ANTXR1: variants seen among roughly 807,000 people sequenced by gnomAD.
The protein encoded by ANTXR1 is ANTXR cell adhesion molecule 1.
Under a neutral mutation model 78.1 loss-of-function variants are expected in ANTXR1, and 19 were observed. The observed-to-expected ratio is 0.24, with a 90% CI of 0.17 to 0.36. The LOEUF is 0.36. Among genes scored for constraint, ANTXR1 ranks in the 10% least tolerant of loss-of-function variants. The pLI, the probability that ANTXR1 is intolerant of heterozygous loss-of-function variation, is 1.00. For synonymous variants in ANTXR1, 273 were observed against 260.5 expected (o/e 1.05, Z -0.46); for missense variants, 518 against 718.6 (o/e 0.72, Z 3.19).
chr2:69,063,206 G>A (rs1167572315), intron 3 of ANTXR1, among the ~76,000 whole-genome samples: 3 of 151,536 alleles, frequency 2.0e-5, no homozygotes, highest in Non-Finnish European at 4.4e-5. Context: ...CCTCAAGCAG[G>A]ACAAATGCAA....
intron 10 of ANTXR1, among the ~76,000 whole-genome samples, chr2:69,104,205 C>T (rs1671731297): frequency 6.6e-6 from 1 of 152,162 alleles, no homozygotes; most frequent in South Asian, 2.1e-4. Context: ...TCCCAAAGTG[C>T]TGGGATTACA....
chr2:69,079,280 A>T (rs1176052638), intron 8 of ANTXR1, among the ~76,000 whole-genome samples: 2 of 152,194 alleles, frequency 1.3e-5, no homozygotes, highest in African/African-American at 2.4e-5. Flanking sequence ...AACTACAATA[A>T]CCATGTAAAA....
intron 10 of ANTXR1, among the ~76,000 whole-genome samples, chr2:69,112,107 T>A (rs932060849): frequency 1.3e-5 from 2 of 152,156 alleles, no homozygotes; most frequent in African/African-American, 4.8e-5. Context: ...GAGCGTACAG[T>A]CTCATGTTCT....
chr2:69,190,908 A>G (rs1674530331), intron 16 of ANTXR1, among the ~76,000 whole-genome samples: 2 of 152,072 alleles, frequency 1.3e-5, no homozygotes, highest in South Asian at 4.1e-4. Flanking sequence ...CTCATTGCCC[A>G]TTTGTCACAG....
rs912448343 is a variant in ANTXR1, at chr2:69,031,921, G to A, written c.153-8123G>A. On this transcript the variant is annotated intron_variant, in intron 1 of 17. Transcript: ENST00000303714. Reference sequence around the variant, plus strand: ...CCAGGGTGGCTCCTGCCAGATGGATGTCTCCGACTGACCAGGGTCACTTTC... The same window carrying A: ...CCAGGGTGGCTCCTGCCAGATGGATATCTCCGACTGACCAGGGTCACTTTC... 3.9e-5 allele frequency among the ~76,000 whole-genome samples: 6 copies of A among 152,324 alleles called. 1 individual carries two copies. In the East Asian group the frequency reaches 7.7e-4, roughly 20 times the overall value.
chr2:69,093,645 A>G (rs1269728076), intron 9 of ANTXR1, among the ~76,000 whole-genome samples: 1 of 152,216 alleles, frequency 6.6e-6, no homozygotes, highest in South Asian at 2.1e-4. Context: ...ACAAATACAC[A>G]ATCCACTAAT....
At chr2:69,062,926 AG>A (rs1164816787) in intron 3 of ANTXR1, among the ~76,000 whole-genome samples, 2 of 152,196 alleles carry the variant, frequency 1.3e-5, no homozygotes, top group African/African-American at 4.8e-5. Flanking sequence ...TGGAACTGAA[AG>A]ATACATTATT....
chr2:69,208,677 G>A (rs1032540986), intron 17 of ANTXR1, among the ~76,000 whole-genome samples: 3 of 152,232 alleles, frequency 2.0e-5, no homozygotes, highest in Non-Finnish European at 4.4e-5. Context: ...GACTGGTCTG[G>A]AAGACACTTG....
At chr2:69,024,688 T>C (rs968650103) in intron 1 of ANTXR1, among the ~76,000 whole-genome samples, 3 of 150,428 alleles carry the variant, frequency 2.0e-5, no homozygotes, top group African/African-American at 7.5e-5. Context: ...ATGAGAGTAA[T>C]CTCTTGTTCA....
At chr2:69,199,787 A>G (rs565367955) in intron 17 of ANTXR1, among the ~76,000 whole-genome samples, 17 of 152,096 alleles carry the variant, frequency 1.1e-4, no homozygotes, top group Non-Finnish European at 1.9e-4. Flanking sequence ...AGGTGGTCCA[A>G]TTCCCTCTTT....
Position 69,181,822 on chromosome 2 carries a change from C to A in ANTXR1, c.1126C>A (p.Pro376Thr), listed in dbSNP as rs748297983. Residue 376 changes from proline to threonine, a missense_variant, in exon 15 of 18, where the codon CCA (proline) becomes ACA (threonine). Around this residue, in one of 5 missense-constraint regions of ANTXR1, gnomAD observed 264 missense variants for 391.8 expected, o/e 0.67. Coordinates refer to ENST00000303714, the MANE Select transcript of ANTXR1 (RefSeq NM_032208.3). The stretch of plus-strand genomic sequence containing the variant: ...TGATGGTCTGCCTAAGAAAAAGTGG[C>A]CAACGGTAGACGCCTCTTATTATGG... ...DDDGLPKKKW[P>T]TVDASYYGGR... 3.1e-6 allele frequency: 5 copies of A among 1,613,976 alleles called. No homozygotes were observed. The highest frequency in any genetic ancestry group is 4.2e-6 in the Non-Finnish European group (5 of 1,180,014).
intron 8 of ANTXR1, chr2:69,090,604 G>A: frequency 1.8e-6 from 1 of 552,206 alleles, no homozygotes; most frequent in Non-Finnish European, 3.3e-6. Context: ...CATAGGCTCA[G>A]TAAATACCTG....
intron 12 of ANTXR1, chr2:69,145,693 T>C (rs1010933328): frequency 6.2e-6 from 7 of 1,121,530 alleles, no homozygotes; most frequent in Admixed American, 9.0e-5. Context: ...GTTTCTTTAT[T>C]TTGAACTTCC....
intron 8 of ANTXR1, among the ~76,000 whole-genome samples, chr2:69,081,294 T>A (rs544317115): frequency 6.6e-6 from 1 of 152,314 alleles, no homozygotes; most frequent in East Asian, 1.9e-4. Flanking sequence ...CATAAATGTC[T>A]GAGGAAATGG....
At chr2:69,188,761 C>T (rs1674484636) in intron 16 of ANTXR1, among the ~76,000 whole-genome samples, 1 of 152,220 alleles carries the variant, frequency 6.6e-6, no homozygotes, top group Non-Finnish European at 1.5e-5. Flanking sequence ...TTGTGCATGA[C>T]AGACATCCAA....
intron 16 of ANTXR1, among the ~76,000 whole-genome samples, chr2:69,186,110 G>A (rs762404202): frequency 2.6e-5 from 4 of 152,048 alleles, no homozygotes; most frequent in Non-Finnish European, 4.4e-5. Flanking sequence ...AGGCATGAAC[G>A]GTAATTATGA....
chr2:69,086,948 C>T (rs530510475), intron 8 of ANTXR1, among the ~76,000 whole-genome samples: 2 of 152,286 alleles, frequency 1.3e-5, no homozygotes, highest in East Asian at 1.9e-4. Context: ...TCTCCCTCAC[C>T]GTCCAATCCA....
intron 8 of ANTXR1, among the ~76,000 whole-genome samples, chr2:69,080,819 T>G (rs1029704056): frequency 1.3e-5 from 2 of 152,136 alleles, no homozygotes; most frequent in African/African-American, 4.8e-5. Context: ...AGGGCATGGA[T>G]AGAATGTTCT....
intron 12 of ANTXR1, among the ~76,000 whole-genome samples, chr2:69,129,487 C>G (rs1360826586): frequency 6.6e-6 from 1 of 152,130 alleles, no homozygotes; most frequent in Non-Finnish European, 1.5e-5. Flanking sequence ...GGCGTGGTGT[C>G]TCACGCCTGT....
Sources: allele counts gnomAD v4.1 joint callset (sites outside exome capture counted in the v4.1 genomes callset), GRCh38; gene constraint gnomAD v4.1.1; regional missense constraint gnomAD v4.1.1; transcripts MANE v1.5; gene names NCBI Gene and HGNC (gene_info 2026-07-23, HGNC 2026-07-21).